The following PARD3B variants were observed in gnomAD, a reference collection of about 807,000 sequenced individuals.
PARD3B encodes par-3 family cell polarity regulator beta, also known as partitioning defective 3 homolog B.
A neutral mutation model predicts 130.2 loss-of-function variants in PARD3B; 103 were observed. The ratio of observed to expected loss-of-function variants is 0.79; its 90% CI spans 0.67 to 0.93. The LOEUF (loss-of-function observed/expected upper bound fraction) is 0.93. PARD3B is among the 40% of genes least tolerant of loss of function. The pLI, the probability that PARD3B is intolerant of heterozygous loss-of-function variation, is 0.00. For missense variants in PARD3B, 1,609 were observed against 1,499.2 expected, an observed-to-expected ratio of 1.07 and a Z score of -1.21; for synonymous variants, 583 against 553.2, an observed-to-expected ratio of 1.05 and a Z score of -0.76.
chr2:205,126,851 A>G lies in PARD3B; in HGVS notation c.1434+1114A>G, dbSNP rs1575872236. The stretch of plus-strand genomic sequence containing the variant: ...ATATTTAAAAGTAGGATGTAAAATT[A>G]TTTGTGCAGTATCATTAAATTACAT... On this transcript the variant is annotated intron_variant, in intron 10 of 22. Transcript: ENST00000406610. Among the ~76,000 whole-genome samples the G allele has an allele frequency of 3.3e-5, 5 of 151,460 alleles. No individual in the cohort carries two copies. The East Asian group carries it at 9.7e-4, about 29-fold the overall frequency.
intron 14 of PARD3B, among the ~76,000 whole-genome samples, chr2:205,192,232 C>G (rs2036436727): frequency 6.6e-6 from 1 of 152,090 alleles, no homozygotes. Flanking sequence ...TCTTTCAAAA[C>G]AGTTATTTTT....
rs943937105 is a variant in PARD3B at position 205,253,652 on chromosome 2, A to C, written c.2185+7830A>C. On this transcript the variant is annotated intron_variant, in intron 16 of 22. Transcript: ENST00000406610. The surrounding 1 kb of genome is among the most constrained non-coding windows in gnomAD (Gnocchi z 4.4). ...CCACACTCCAAGGTGGAAATCTTTC[A>C]GATGGTTAGATGATGAAGGTAGTAG... 6 of 361,182 alleles carry C rather than the reference A, an allele frequency of 1.7e-5. No individual in the cohort carries two copies. Among genetic ancestry groups the C allele is most frequent in the African/African-American group, 1.3e-4 (6 of 46,912 alleles). The allele number at this position is 361,182 out of a possible 1,614,324, so 22.4% of individuals were successfully genotyped here. A position where few individuals can be genotyped will look rare whatever the true frequency, so the allele number is the denominator to read the frequency against.
chr2:204,819,748 A>C (rs549282111), intron 2 of PARD3B, among the ~76,000 whole-genome samples: 1 of 152,310 alleles, frequency 6.6e-6, no homozygotes, highest in Admixed American at 6.5e-5. Context: ...AATGAAAGGC[A>C]AGCAAAACAG....
intron 16 of PARD3B, 83 bp downstream of exon 16, chr2:205,245,905 A>G: frequency 3.5e-6 from 4 of 1,152,288 alleles, no homozygotes; most frequent in South Asian, 1.3e-5. Context: ...ACCTGTTTCT[A>G]TCCACTAGTC....
intron 3 of PARD3B, among the ~76,000 whole-genome samples, chr2:205,009,122 A>G (rs756128883): frequency 2.6e-5 from 4 of 152,248 alleles, no homozygotes; most frequent in Non-Finnish European, 2.9e-5. Flanking sequence ...TTTGTATTAT[A>G]TGATTAATTC....
At chr2:205,598,964 G>A (rs964684690) in intron 22 of PARD3B, among the ~76,000 whole-genome samples, 2 of 152,126 alleles carry the variant, frequency 1.3e-5, no homozygotes, top group Non-Finnish European at 2.9e-5. Flanking sequence ...TAAAGCTAAA[G>A]CAGTGTTAAG....
At chr2:204,773,486 G>T (rs1015602955) in intron 2 of PARD3B, among the ~76,000 whole-genome samples, 1 of 151,452 alleles carries the variant, frequency 6.6e-6, no homozygotes, top group Non-Finnish European at 1.5e-5. Flanking sequence ...CATTTCAATG[G>T]GAATAGTCAT....
At chr2:204,629,022 G>A (rs1281064988) in intron 1 of PARD3B, among the ~76,000 whole-genome samples, 2 of 152,160 alleles carry the variant, frequency 1.3e-5, no homozygotes, top group Admixed American at 6.6e-5. Context: ...GCTTGGAGGA[G>A]ATAACCAGTA....
intron 2 of PARD3B, among the ~76,000 whole-genome samples, chr2:204,752,424 C>T (rs1382557936): frequency 6.6e-6 from 1 of 152,126 alleles, no homozygotes; most frequent in Admixed American, 6.6e-5. Context: ...CAGCATCATA[C>T]AAGCACACAT....
intron 15 of PARD3B, among the ~76,000 whole-genome samples, chr2:205,219,987 T>G (rs2038153344): frequency 6.6e-6 from 1 of 152,054 alleles, no homozygotes; most frequent in African/African-American, 2.4e-5. Context: ...GATGACAGAA[T>G]CAGGATTCAA....
At chr2:205,583,377 C>CTGTGTGTGTGTGTGTGTGTGTG (rs139162850) in intron 22 of PARD3B, among the ~76,000 whole-genome samples, 13 of 150,374 alleles carry the variant, frequency 8.6e-5, no homozygotes, top group African/African-American at 3.2e-4. Flanking sequence ...CTCCTAAGCT[C>CTGTGTGTGTGTGTGTGTGTGTG]TGTGTGTGTG....
In PARD3B at chr2:205,460,448, G is replaced by A. The variant is rs577265173; in HGVS notation, c.3044+19776G>A. On this transcript the variant is annotated intron_variant, in intron 20 of 22. Coordinates refer to ENST00000406610, the MANE Select transcript of PARD3B (RefSeq NM_001302769.2). The surrounding 1 kb of genome is among the most constrained non-coding windows in gnomAD (Gnocchi z 4.9). ...ATGATGATGATGATAGTCAATAGTA[G>A]TATTTATTGTATATTTAATATATGC... is the stretch of plus-strand genomic sequence containing the variant. Among the ~76,000 whole-genome samples the A allele has an allele frequency of 6.6e-6, 1 of 151,792 alleles. No individual in the cohort carries two copies. Among genetic ancestry groups the A allele is most frequent in the Admixed American group, 6.6e-5 (1 of 15,210 alleles).
chr2:205,217,956 T>C (rs1050435529), intron 15 of PARD3B, among the ~76,000 whole-genome samples: 2 of 143,662 alleles, frequency 1.4e-5, no homozygotes, highest in Non-Finnish European at 3.0e-5. Flanking sequence ...AGTGCAATGG[T>C]ACAATGGCTC....
At position 205,281,164 on chromosome 2, in the gene PARD3B, A is replaced by C. The variant is rs2041172436; in HGVS notation, c.2186-19366A>C. 6.6e-6 allele frequency among the ~76,000 whole-genome samples: 1 copy of C among 152,148 alleles called. No individual in the cohort carries two copies. The highest frequency in any genetic ancestry group is 6.5e-5 in the Admixed American group (1 of 15,276). ...GCAGCCATAAAATGAAGCCGTAAACATTTCAAGGGTATAAGATTCCATGAC... is the reference window on the plus strand; with the variant it reads ...GCAGCCATAAAATGAAGCCGTAAACCTTTCAAGGGTATAAGATTCCATGAC... On this transcript the variant is annotated intron_variant, in intron 16 of 22. Coordinates refer to ENST00000406610, the MANE Select transcript of PARD3B (RefSeq NM_001302769.2). This position sits in a 1 kb window ranked among gnomAD's most constrained non-coding sequence, Gnocchi z 4.2.
intron 2 of PARD3B, among the ~76,000 whole-genome samples, chr2:204,833,689 C>T (rs185893736): frequency 5.8e-4 from 88 of 152,216 alleles, no homozygotes; most frequent in Non-Finnish European, 1.1e-3. Flanking sequence ...GCATGTAAGA[C>T]ATGCCTTTTG....
At chr2:205,423,247 G>A (rs1406262569) in intron 19 of PARD3B, among the ~76,000 whole-genome samples, 1 of 152,182 alleles carries the variant, frequency 6.6e-6, no homozygotes, top group Non-Finnish European at 1.5e-5. Flanking sequence ...TGTGCATGCG[G>A]TAGAGGGAGG....
chr2:205,028,766 G>GA (rs1697215518), intron 3 of PARD3B, among the ~76,000 whole-genome samples: 4 of 152,048 alleles, frequency 2.6e-5, no homozygotes, highest in Admixed American at 2.6e-4. Flanking sequence ...CTTTTACATA[G>GA]AAAACCCTAA....
intron 1 of PARD3B, among the ~76,000 whole-genome samples, chr2:204,649,265 GT>G (rs1223657147): frequency 6.6e-6 from 1 of 150,804 alleles, no homozygotes; most frequent in Admixed American, 6.7e-5. Context: ...TGTCCATTGT[GT>G]TTTTTGGTTT....
At chr2:205,137,535 A>G (rs1009547903) in intron 10 of PARD3B, among the ~76,000 whole-genome samples, 1 of 152,214 alleles carries the variant, frequency 6.6e-6, no homozygotes, top group Non-Finnish European at 1.5e-5. Flanking sequence ...TCTATGTTTT[A>G]GTTATCTCTT....
Sources: gnomAD v4.1 joint callset for allele counts (sites outside exome capture counted in the v4.1 genomes callset) on GRCh38, gnomAD v4.1.1 for gene constraint, Gnocchi (gnomAD v3.1) non-coding constraint, MANE v1.5 for transcripts, NCBI Gene and HGNC (gene_info 2026-07-23, HGNC 2026-07-21) for gene names.